The following PACSIN1 variants were observed in gnomAD, a reference collection of about 807,000 sequenced individuals.
The protein encoded by PACSIN1 is protein kinase C and casein kinase substrate in neurons protein 1.
PACSIN1 carries 15 observed loss-of-function variants against 59.5 expected under a neutral mutation model. The observed-to-expected ratio is 0.25, with a 90% CI of 0.17 to 0.39. The LOEUF (loss-of-function observed/expected upper bound fraction) is 0.39, where lower values mean the gene tolerates loss of function less well. Ranked by LOEUF, PACSIN1 falls within the 10% of genes least tolerant of loss-of-function variation. PACSIN1 has a pLI of 1.00. For synonymous variants in PACSIN1, 210 were observed against 220.6 expected (o/e 0.95, Z 0.42); for missense variants, 420 against 580.2 (o/e 0.72, Z 2.84).
At chr6:34,527,518 C>G (rs1473705762) in intron 3 of PACSIN1, 30 bp downstream of exon 3, 1 of 1,554,422 alleles carries the variant, frequency 6.4e-7, no homozygotes, top group Non-Finnish European at 8.7e-7. Context: ...TCGTGCGCGC[C>G]CCCAGGCCGT....
intron 1 of PACSIN1, among the ~76,000 whole-genome samples, chr6:34,477,261 C>T (rs569424867): frequency 3.3e-5 from 5 of 151,236 alleles, no homozygotes; most frequent in Non-Finnish European, 7.4e-5. Flanking sequence ...GAGGCCAAAG[C>T]GGGAGGATTG....
chr6:34,482,641 G>A (rs552171771), intron 1 of PACSIN1, among the ~76,000 whole-genome samples: 2 of 151,298 alleles, frequency 1.3e-5, no homozygotes, highest in Admixed American at 1.3e-4. Flanking sequence ...ATACCTAGGA[G>A]TAGAATTGCT....
intron 1 of PACSIN1, among the ~76,000 whole-genome samples, chr6:34,496,722 G>C (rs993748196): frequency 4.6e-5 from 7 of 152,038 alleles, no homozygotes; most frequent in African/African-American, 1.7e-4. Context: ...GCTTTGGGTG[G>C]CCCCTTCCAA....
intron 1 of PACSIN1, among the ~76,000 whole-genome samples, chr6:34,517,241 C>T (rs1314783582): frequency 6.6e-6 from 1 of 152,192 alleles, no homozygotes; most frequent in African/African-American, 2.4e-5. Context: ...CCAGCCTCTT[C>T]CCGCTCCTTC....
chr6:34,489,604 T>C (rs370925368), intron 1 of PACSIN1, among the ~76,000 whole-genome samples: 2 of 152,168 alleles, frequency 1.3e-5, no homozygotes, highest in African/African-American at 4.8e-5. Context: ...GGTTCTGCAA[T>C]GTGTGTCTAT....
intron 1 of PACSIN1, among the ~76,000 whole-genome samples, chr6:34,508,101 T>TTTG (rs1561964496): frequency 6.7e-6 from 1 of 149,414 alleles, no homozygotes; most frequent in Non-Finnish European, 1.5e-5. Context: ...GTAGTTCTTT[T>TTTG]TTTGTTTGTT....
chr6:34,526,277 G>T lies in PACSIN1; in HGVS notation c.-29G>T. On this transcript the variant is annotated 5_prime_UTR_variant, in exon 2 of 10. Coordinates refer to ENST00000244458, the MANE Select transcript of PACSIN1 (RefSeq NM_020804.5). ...AGCCGAGCCTGCTAACCGCAGCTCC[G>T]CACTTGTCCATCCCCCTGCGGCTAC... 1 of 1,604,496 alleles carries T rather than the reference G, an allele frequency of 6.2e-7. No homozygotes were observed. Among genetic ancestry groups the T allele is most frequent in the Non-Finnish European group, 8.5e-7 (1 of 1,174,634 alleles).
chr6:34,517,918 A>G (rs1176424762), intron 1 of PACSIN1, among the ~76,000 whole-genome samples: 1 of 152,198 alleles, frequency 6.6e-6, no homozygotes, highest in Non-Finnish European at 1.5e-5. Context: ...CCTGAGAATC[A>G]GGGCTGCAGT....
Position 34,528,558 on chromosome 6 carries a change from G to A in PACSIN1, c.221-84G>A, listed in dbSNP as rs1014912609. 4.3e-5 allele frequency: 43 copies of A among 1,003,844 alleles called. 1 individual carries two copies. The Middle Eastern group carries it at 2.2e-3, about 52-fold the overall frequency. The allele number at this position is 1,003,844 out of a possible 1,614,324, so 62.2% of individuals were successfully genotyped here. A position where few individuals can be genotyped will look rare whatever the true frequency, so the allele number is the denominator to read the frequency against. ...CATTTCTGTTGCTATGAGAGGAAAG[G>A]GAAAGCCTCAGAGAAGGGAGATGTG... is the stretch of plus-strand genomic sequence containing the variant. On this transcript the variant is annotated intron_variant, in intron 3 of 9. Transcript: ENST00000244458.
At chr6:34,483,161 C>T (rs544034832) in intron 1 of PACSIN1, among the ~76,000 whole-genome samples, 5 of 152,112 alleles carry the variant, frequency 3.3e-5, no homozygotes, top group Admixed American at 1.3e-4. Flanking sequence ...TGAGCAACCA[C>T]GCCTGGCTAA....
intron 3 of PACSIN1, 58 bp downstream of exon 3, chr6:34,527,546 T>C: frequency 6.8e-7 from 1 of 1,470,918 alleles, no homozygotes; most frequent in Non-Finnish European, 9.1e-7. Flanking sequence ...CCCCTAGGTC[T>C]GGGTCCTAGG....
At chr6:34,511,203 A>G (rs1032262192) in intron 1 of PACSIN1, among the ~76,000 whole-genome samples, 27 of 152,222 alleles carry the variant, frequency 1.8e-4, no homozygotes, top group African/African-American at 6.3e-4. Context: ...CATGGGATTT[A>G]GTCAGACACC....
chr6:34,532,292 G>T lies in PACSIN1; in HGVS notation c.1226-129G>T. The stretch of plus-strand genomic sequence containing the variant: ...GTGGGACTGGGGCTGGTTTCCAGGG[G>T]CGGGGCCTAAGAATCTAAAACCCAG... On this transcript the variant is annotated intron_variant, in intron 9 of 9. Coordinates refer to ENST00000244458, the MANE Select transcript of PACSIN1 (RefSeq NM_020804.5). The surrounding 1 kb of genome is among the most constrained non-coding windows in gnomAD (Gnocchi z 5.2). The T allele has an allele frequency of 3.1e-6, 2 of 654,036 alleles. No homozygotes were observed. The highest frequency in any genetic ancestry group is 3.8e-5 in the South Asian group (2 of 53,150). 40.5% of individuals were successfully genotyped at this position (654,036 alleles called of 1,614,324 possible).
At position 34,534,910 on chromosome 6, in the gene PACSIN1, T is replaced by C. The variant is rs6457782; in HGVS notation, c.*2380T>C. The C allele has an allele frequency of 1, 152,640 of 152,946 alleles. 76,169 individuals carry two copies. Among genetic ancestry groups the C allele is most frequent in the South Asian group, 1 (4,838 of 4,838 alleles). The allele number at this position is 152,946 out of a possible 1,614,324, so 9.5% of individuals were successfully genotyped here. On this transcript the variant is annotated 3_prime_UTR_variant, in exon 10 of 10. Transcript: ENST00000244458. The stretch of plus-strand genomic sequence containing the variant: ...CATGCCCACGGCCTCCTCCTGTAGC[T>C]CCTGCCTGCACCCACGATGCTGCAC...
In PACSIN1 at chr6:34,526,275, C is replaced by G; in HGVS notation, c.-31C>G. On this transcript the variant is annotated 5_prime_UTR_variant, in exon 2 of 10. Transcript: ENST00000244458. ...GCAGCCGAGCCTGCTAACCGCAGCT[C>G]CGCACTTGTCCATCCCCCTGCGGCT... 1 of 1,603,508 alleles carries G rather than the reference C, an allele frequency of 6.2e-7. No homozygotes were observed. The highest frequency in any genetic ancestry group is 8.5e-7 in the Non-Finnish European group (1 of 1,173,740).
At chr6:34,493,058 G>A (rs1486774146) in intron 1 of PACSIN1, among the ~76,000 whole-genome samples, 2 of 152,250 alleles carry the variant, frequency 1.3e-5, no homozygotes, top group South Asian at 2.1e-4. Context: ...CCCATATGGA[G>A]CGCTGGGGCT....
chr6:34,514,280 G>A lies in PACSIN1; in HGVS notation c.-63-11963G>A, dbSNP rs891733460. ...GTCGGAACTGGCATCACAAGGTCTC[G>A]GTGCCGACAGCTAGCCCAGGAACCT... On this transcript the variant is annotated intron_variant, in intron 1 of 9. Coordinates refer to ENST00000244458, the MANE Select transcript of PACSIN1 (RefSeq NM_020804.5). This position sits in a 1 kb window ranked among gnomAD's most constrained non-coding sequence, Gnocchi z 4.4. 1.3e-5 allele frequency among the ~76,000 whole-genome samples: 2 copies of A among 151,994 alleles called. No individual in the cohort carries two copies. The highest frequency in any genetic ancestry group is 2.4e-5 in the African/African-American group (1 of 41,380).
intron 1 of PACSIN1, among the ~76,000 whole-genome samples, chr6:34,490,776 C>T (rs940413203): frequency 1.3e-5 from 2 of 150,692 alleles, no homozygotes; most frequent in Admixed American, 6.6e-5. Flanking sequence ...CCCAAGCATG[C>T]CCCCCTTCTC....
intron 1 of PACSIN1, among the ~76,000 whole-genome samples, chr6:34,475,491 G>A (rs2127240184): frequency 6.6e-6 from 1 of 152,284 alleles, no homozygotes; most frequent in African/African-American, 2.4e-5. Flanking sequence ...CCCACGGAGA[G>A]CTCTAGATTA....
Sources: allele counts gnomAD v4.1 joint callset (sites outside exome capture counted in the v4.1 genomes callset), GRCh38; gene constraint gnomAD v4.1.1; non-coding constraint Gnocchi (gnomAD v3.1); transcripts MANE v1.5; gene names NCBI Gene and HGNC (gene_info 2026-07-23, HGNC 2026-07-21).